ATP8A2: variants seen among roughly 807,000 people sequenced by gnomAD.
The protein encoded by ATP8A2 is phospholipid-transporting ATPase IB.
In ATP8A2, 100 loss-of-function variants were observed where a neutral mutation model predicts 165.6. The observed-to-expected ratio is 0.60, with a 90% CI of 0.51 to 0.71. The LOEUF (loss-of-function observed/expected upper bound fraction) is 0.71, where lower values mean the gene tolerates loss of function less well. Ranked by LOEUF, ATP8A2 falls within the 30% of genes least tolerant of loss-of-function variation. ATP8A2 has a pLI of 0.00. For missense variants in ATP8A2, 1,227 were observed against 1,479.5 expected, an observed-to-expected ratio of 0.83 and a Z score of 2.80; for synonymous variants, 543 against 548.8, an observed-to-expected ratio of 0.99 and a Z score of 0.15.
At chr13:25,646,271 TTTTTC>T (rs1266381229) in intron 24 of ATP8A2, among the ~76,000 whole-genome samples, 1 of 152,198 alleles carries the variant, frequency 6.6e-6, no homozygotes, top group Non-Finnish European at 1.5e-5. Flanking sequence ...GTGAAATATC[TTTTTC>T]TATCTCTTCA....
chr13:25,939,066 C>A (rs986131145), intron 33 of ATP8A2, among the ~76,000 whole-genome samples: 3 of 152,188 alleles, frequency 2.0e-5, no homozygotes, highest in Non-Finnish European at 4.4e-5. Flanking sequence ...TGGTCTTGAA[C>A]TCCTGACCTC....
At chr13:25,854,051 T>C (rs9319249) in intron 30 of ATP8A2, among the ~76,000 whole-genome samples, 20,256 of 152,224 alleles carry the variant, frequency 0.13, 1,603 homozygotes, top group Non-Finnish European at 0.18. Context: ...TTGTAACTCT[T>C]ATTACGGGGA....
At chr13:25,507,610 G>A (rs948835070) in intron 2 of ATP8A2, among the ~76,000 whole-genome samples, 3 of 152,100 alleles carry the variant, frequency 2.0e-5, no homozygotes, top group African/African-American at 7.2e-5. Context: ...TCAGGATGAA[G>A]ACAGAACTGA....
rs71080217 is a variant in ATP8A2 at position 26,025,116 on chromosome 13, C to CAAAAA, written c.*5148_*5152dup. 1.3e-3 allele frequency: 120 copies of CAAAAA among 94,594 alleles called. No homozygotes were observed. Among genetic ancestry groups the CAAAAA allele is most frequent in the African/African-American group, 3.0e-3 (74 of 24,444 alleles). The allele number at this position is 94,594 out of a possible 1,614,324, so 5.9% of individuals were successfully genotyped here. On this transcript the variant is annotated 3_prime_UTR_variant, in exon 37 of 37. Transcript: ENST00000381655. ...GTGAATCAATAAACACCAACAACAA[C>CAAAAA]AAAAAAAAAAAAAAAAAAAAAGGAA... is the stretch of plus-strand genomic sequence containing the variant.
chr13:25,498,462 A>G lies in ATP8A2; in HGVS notation c.221+29341A>G, dbSNP rs563349604. ...ATTTCTGGTTATCATTAATTCTCCA[A>G]TGATGCTGCAGATTCAGTCTCTCAG... On this transcript the variant is annotated intron_variant, in intron 2 of 36. Transcript: ENST00000381655. Among the ~76,000 whole-genome samples, 23 of 152,292 alleles carry G rather than the reference A, an allele frequency of 1.5e-4. No homozygotes were observed. The South Asian group carries it at 3.1e-3, about 21-fold the overall frequency.
intron 4 of ATP8A2, among the ~76,000 whole-genome samples, chr13:25,531,708 C>T (rs1240258192): frequency 1.3e-5 from 2 of 151,978 alleles, no homozygotes; most frequent in African/African-American, 2.4e-5. Flanking sequence ...CACCTGACCT[C>T]GTGTGATGGC....
At chr13:25,892,478 G>GTCTCTGTCTC (rs1555286138) in intron 33 of ATP8A2, among the ~76,000 whole-genome samples, 1 of 136,178 alleles carries the variant, frequency 7.3e-6, no homozygotes, top group African/African-American at 3.0e-5. Flanking sequence ...CTGTCTCTCT[G>GTCTCTGTCTC]TCTCTCTCTC....
chr13:25,387,431 G>A (rs2033096279), intron 1 of ATP8A2, among the ~76,000 whole-genome samples: 1 of 152,118 alleles, frequency 6.6e-6, no homozygotes, highest in African/African-American at 2.4e-5. Context: ...TAACTATTTC[G>A]GGTGTTGGGC....
intron 27 of ATP8A2, among the ~76,000 whole-genome samples, chr13:25,786,907 C>G (rs1279159239): frequency 6.6e-6 from 1 of 152,082 alleles, no homozygotes; most frequent in Non-Finnish European, 1.5e-5. Flanking sequence ...AGGTGTCCAC[C>G]ACCATACCCG....
intron 35 of ATP8A2, among the ~76,000 whole-genome samples, chr13:25,980,219 AG>A (rs1390400664): frequency 6.6e-6 from 1 of 152,188 alleles, no homozygotes; most frequent in Admixed American, 6.5e-5. Context: ...GCCTCCTCTC[AG>A]GGAAGGAAGG....
At chr13:25,712,235 A>T (rs2043172768) in intron 25 of ATP8A2, among the ~76,000 whole-genome samples, 1 of 152,192 alleles carries the variant, frequency 6.6e-6, no homozygotes. Context: ...TTAATGGGTC[A>T]GGGGTGTCCA....
chr13:25,509,197 A>C (rs2037142578), intron 2 of ATP8A2, among the ~76,000 whole-genome samples: 2 of 152,236 alleles, frequency 1.3e-5, no homozygotes, highest in Non-Finnish European at 2.9e-5. Flanking sequence ...TTGGAGAGAC[A>C]GTGTTTGAAA....
intron 27 of ATP8A2, among the ~76,000 whole-genome samples, chr13:25,796,149 C>T (rs1217540096): frequency 6.6e-6 from 1 of 152,114 alleles, no homozygotes; most frequent in Non-Finnish European, 1.5e-5. Context: ...AGGGTTTCTT[C>T]ATGTTGGCCA....
intron 33 of ATP8A2, among the ~76,000 whole-genome samples, chr13:25,872,530 G>A (rs1484901443): frequency 6.6e-6 from 1 of 152,170 alleles, no homozygotes; most frequent in Non-Finnish European, 1.5e-5. Context: ...AAGGGACTTT[G>A]TCTACTTTTT....
chr13:25,489,423 C>T (rs1044180596), intron 2 of ATP8A2, among the ~76,000 whole-genome samples: 3 of 152,174 alleles, frequency 2.0e-5, no homozygotes, highest in African/African-American at 4.8e-5. Context: ...GCATCTCCAC[C>T]GTTTGCAGGC....
intron 1 of ATP8A2, among the ~76,000 whole-genome samples, chr13:25,390,941 T>A (rs912018671): frequency 2.7e-5 from 4 of 150,940 alleles, no homozygotes; most frequent in African/African-American, 7.3e-5. Context: ...AAAAAAAAAA[T>A]TCATCTATGT....
chr13:25,968,734 CT>C, intron 35 of ATP8A2, 55 bp downstream of exon 35: 1 of 1,360,060 alleles, frequency 7.4e-7, no homozygotes. Context: ...GCCCTTTTCC[CT>C]TATTCCTTCC....
intron 2 of ATP8A2, among the ~76,000 whole-genome samples, chr13:25,521,018 G>T (rs2037655251): frequency 6.6e-6 from 1 of 152,064 alleles, no homozygotes; most frequent in African/African-American, 2.4e-5. Context: ...GCATATCCTT[G>T]CCAGCATTCA....
chr13:25,744,428 G>A (rs998717120), intron 25 of ATP8A2, among the ~76,000 whole-genome samples: 2 of 152,140 alleles, frequency 1.3e-5, no homozygotes, highest in Non-Finnish European at 2.9e-5. Flanking sequence ...GGAAAACTGT[G>A]CGTGTGTTTG....
Sources: allele counts gnomAD v4.1 joint callset (sites outside exome capture counted in the v4.1 genomes callset), GRCh38; gene constraint gnomAD v4.1.1; transcripts MANE v1.5; gene names NCBI Gene and HGNC (gene_info 2026-07-23, HGNC 2026-07-21).